Variants in GHITM observed in about 807,000 individuals in gnomAD.
GHITM encodes growth hormone inducible transmembrane protein.
Under a neutral mutation model 38.7 loss-of-function variants are expected in GHITM, and 24 were observed. That is an observed-to-expected ratio of 0.62 (90% CI 0.45 to 0.87). The LOEUF (loss-of-function observed/expected upper bound fraction) is 0.87. Among genes scored for constraint, GHITM ranks in the 40% least tolerant of loss-of-function variants. GHITM has a pLI of 0.00. For missense variants in GHITM, 420 were observed against 429.8 expected (o/e 0.98, Z 0.20); for synonymous variants, 154 against 147.8 (o/e 1.04, Z -0.30).
At chr10:84,151,871 G>A (rs1049270747) in intron 8 of GHITM, among the ~76,000 whole-genome samples, 1 of 152,082 alleles carries the variant, frequency 6.6e-6, no homozygotes, top group Non-Finnish European at 1.5e-5. Context: ...ATTTGTAGAA[G>A]TTTTCTTTAG....
intron 1 of GHITM, chr10:84,140,369 G>A (rs538226559): frequency 6.6e-6 from 1 of 152,288 alleles, no homozygotes; most frequent in South Asian, 2.1e-4. Flanking sequence ...ATAGTTCTTA[G>A]CTTTTGGAGT....
intron 6 of GHITM, 108 bp downstream of exon 6, chr10:84,148,946 A>C: frequency 1.4e-6 from 1 of 698,508 alleles, no homozygotes; most frequent in Non-Finnish European, 2.6e-6. Flanking sequence ...CATGTTTAGA[A>C]AACACCATTT....
At chr10:84,150,459 G>A (rs1841600211) in intron 7 of GHITM, among the ~76,000 whole-genome samples, 1 of 152,212 alleles carries the variant, frequency 6.6e-6, no homozygotes, top group African/African-American at 2.4e-5. Context: ...AAATGGGAAA[G>A]TTGGTCTGGA....
intron 6 of GHITM, among the ~76,000 whole-genome samples, chr10:84,149,799 G>A (rs1402449522): frequency 6.6e-6 from 1 of 152,146 alleles, no homozygotes; most frequent in Non-Finnish European, 1.5e-5. Flanking sequence ...GGAATTTGAT[G>A]GTTACTAAAT....
At chr10:84,140,541 A>C (rs1377130741) in intron 1 of GHITM, 1 of 152,194 alleles carries the variant, frequency 6.6e-6, no homozygotes, top group Non-Finnish European at 1.5e-5. Context: ...TATGTTACAG[A>C]TGGGGAAATG....
intron 5 of GHITM, among the ~76,000 whole-genome samples, chr10:84,146,906 CAA>C (rs1279446712): frequency 6.6e-6 from 1 of 152,136 alleles, no homozygotes; most frequent in Non-Finnish European, 1.5e-5. Context: ...CAGATAATGT[CAA>C]AGTTTGTCCC....
In GHITM at chr10:84,153,292, A is replaced by G. The variant is rs1055922508; in HGVS notation, c.*944A>G. The G allele has an allele frequency of 3.3e-5, 5 of 152,184 alleles. No individual in the cohort carries two copies. The highest frequency in any genetic ancestry group is 7.4e-5 in the Non-Finnish European group (5 of 68,012). 9.4% of individuals were successfully genotyped at this position (152,184 alleles called of 1,614,324 possible). A position where few individuals can be genotyped will look rare whatever the true frequency, so the allele number is the denominator to read the frequency against. On this transcript the variant is annotated 3_prime_UTR_variant, in exon 9 of 9. Coordinates refer to ENST00000372134, the MANE Select transcript of GHITM (RefSeq NM_014394.3). ...ATAGAAAAGCTTCTTTGTGGCTTAC[A>G]CTGGAAATTATGAAAGCAGTTTTTC... is the stretch of plus-strand genomic sequence containing the variant.
intron 1 of GHITM, 81 bp from the exon 2 acceptor site, chr10:84,141,381 C>T: frequency 1.3e-6 from 1 of 761,344 alleles, no homozygotes; most frequent in Non-Finnish European, 2.2e-6. Flanking sequence ...GACTCTGACT[C>T]TCATATGTCC....
rs768819230 is a variant in GHITM, at chr10:84,150,239, A to G, written c.777A>G (p.Ser259=). Residue 259 remains serine (S), a synonymous_variant, in exon 7 of 9, where the codon TCA becomes TCG. Coordinates refer to ENST00000372134, the MANE Select transcript of GHITM (RefSeq NM_014394.3). ...GCCTGGGTCTCGTCTTTGTGTCCTC[A>G]TTGGGTAAGCTGCTGTGTTTTAACA... ...GVGLGLVFVS[S]LGSMFLPPTT... 1 of 1,602,490 alleles carries G rather than the reference A, an allele frequency of 6.2e-7. No individual in the cohort carries two copies. The highest frequency in any genetic ancestry group is 8.5e-7 in the Non-Finnish European group (1 of 1,173,394).
Position 84,142,708 on chromosome 10 carries a change from A to G in GHITM, c.183A>G (p.Glu61=). Residue 61 remains glutamate, a synonymous_variant, in exon 3 of 9, where the codon GAA becomes GAG. Transcript: ENST00000372134. ...IGIRRGRTGQ[E]LKEAALEPSM... ...TCCGGCGTGGGAGAACTGGCCAAGA[A>G]CTCAAAGAGGCAGCATTGGAACCAT... 4 of 1,612,876 alleles carry G rather than the reference A, an allele frequency of 2.5e-6. No homozygotes were observed. The highest frequency in any genetic ancestry group is 3.4e-6 in the Non-Finnish European group (4 of 1,179,074).
At chr10:84,144,168 A>G (rs573073497) in intron 4 of GHITM, 62 bp downstream of exon 4, 76 of 1,036,186 alleles carry the variant, frequency 7.3e-5, no homozygotes, top group Admixed American at 1.7e-4. Context: ...CAAAAATTCA[A>G]ATTTTCTTCT....
In GHITM at chr10:84,150,160, C is replaced by T. The variant is rs956644946; in HGVS notation, c.698C>T (p.Ala233Val). 6.8e-6 allele frequency: 11 copies of T among 1,613,894 alleles called. No homozygotes were observed. The African/African-American group carries it at 1.2e-4, about 18-fold the overall frequency. ...ATTGTGGGAGGCCTCTCCACTGTGG[C>T]CATGTGTGCGCCCAGTGAAAAGTTT... ...AGIVGGLSTV[A>V]MCAPSEKFLN... Residue 233 changes from alanine (A) to valine (V), a missense_variant, in exon 7 of 9, where the codon GCC (alanine) becomes GTC (valine). Physicochemically the swap from Ala to Val is moderately conservative, Grantham distance 64. Transcript: ENST00000372134.
rs1325029880 is a variant in GHITM at position 84,144,019 on chromosome 10, T to C, written c.254T>C (p.Val85Ala). 1 of 1,613,924 alleles carries C rather than the reference T, an allele frequency of 6.2e-7. No homozygotes were observed. Among genetic ancestry groups the C allele is most frequent in the African/African-American group, 1.3e-5 (1 of 75,062 alleles). ...GTTGATCAGATGGGAAGATGGTTTG[T>C]TGCTGGAGGGGCTGCTGTTGGTCTT... ...FKIDQMGRWF[V>A]AGGAAVGLGA... The change falls in exon 4 of 9, where the codon GTT becomes GCT. Residue 85 changes from valine to alanine, a missense_variant. By Grantham distance (64) the Val-to-Ala change is moderately conservative (BLOSUM62 0). Transcript: ENST00000372134.
At chr10:84,151,513 A>G (rs1841612060) in intron 8 of GHITM, among the ~76,000 whole-genome samples, 1 of 152,198 alleles carries the variant, frequency 6.6e-6, no homozygotes, top group African/African-American at 2.4e-5. Context: ...TATTTTGCAG[A>G]CTTTAAAACT....
chr10:84,140,070 C>A (rs2132731928), intron 1 of GHITM: 1 of 149,144 alleles, frequency 6.7e-6, no homozygotes, highest in African/African-American at 2.5e-5. Flanking sequence ...GCAACGACAT[C>A]TGAGTCTTAG....
At chr10:84,151,257 G>A (rs904861834) in intron 8 of GHITM, among the ~76,000 whole-genome samples, 6 of 152,084 alleles carry the variant, frequency 3.9e-5, no homozygotes, top group African/African-American at 1.4e-4. Context: ...TTTGTTGGGG[G>A]GCAGAGGAGG....
intron 1 of GHITM, 87 bp from the exon 2 acceptor site, chr10:84,141,375 C>G: frequency 1.4e-6 from 1 of 721,376 alleles, no homozygotes; most frequent in Non-Finnish European, 2.3e-6. Flanking sequence ...TTCCTTGACT[C>G]TGACTCTCAT....
At chr10:84,149,910 T>A (rs987429905) in intron 6 of GHITM, 145 bp from the exon 7 acceptor site, 7 of 501,594 alleles carry the variant, frequency 1.4e-5, no homozygotes, top group African/African-American at 1.2e-4. Context: ...TAGAATTTGG[T>A]GGGGGTAGTA....
At chr10:84,149,731 CAAT>C (rs1353490607) in intron 6 of GHITM, among the ~76,000 whole-genome samples, 1 of 152,104 alleles carries the variant, frequency 6.6e-6, no homozygotes, top group Admixed American at 6.5e-5. Context: ...TTGTTTATCT[CAAT>C]TATTATATGA....
Sources: allele counts gnomAD v4.1 joint callset (sites outside exome capture counted in the v4.1 genomes callset), GRCh38; gene constraint gnomAD v4.1.1; transcripts MANE v1.5; gene names NCBI Gene and HGNC (gene_info 2026-07-23, HGNC 2026-07-21).